Variants in SGMS1 observed in about 807,000 individuals in gnomAD.
The protein encoded by SGMS1 is sphingomyelin synthase 1, also known as phosphatidylcholine:ceramide cholinephosphotransferase 1.
In SGMS1, 13 loss-of-function variants were observed where a neutral mutation model predicts 46.2. That is an observed-to-expected ratio of 0.28 (90% CI 0.18 to 0.45). SGMS1 has a LOEUF of 0.45. Ranked by LOEUF, SGMS1 falls within the 20% of genes least tolerant of loss-of-function variation. The pLI is 1.00. For missense variants in SGMS1, 324 were observed against 519.9 expected, an observed-to-expected ratio of 0.62 and a Z score of 3.66; for synonymous variants, 203 against 187.8, an observed-to-expected ratio of 1.08 and a Z score of -0.66.
At chr10:50,527,063 CAAAAAAAAAAAAAAAA>C (rs573386594) in intron 2 of SGMS1, among the ~76,000 whole-genome samples, 1 of 90,804 alleles carries the variant, frequency 1.1e-5, no homozygotes, top group Admixed American at 1.2e-4. Context: ...GACTCTGTCT[CAAAAAAAAAAAAAAAA>C]AAAAAAAAAA....
intron 9 of SGMS1, among the ~76,000 whole-genome samples, chr10:50,309,214 GA>G (rs1216380650): frequency 6.6e-6 from 1 of 151,856 alleles, no homozygotes; most frequent in Non-Finnish European, 1.5e-5. Flanking sequence ...GTTAGGGTAG[GA>G]ATATTCTAGT....
chr10:50,467,297 C>T (rs944956679), intron 3 of SGMS1, among the ~76,000 whole-genome samples: 2 of 152,102 alleles, frequency 1.3e-5, no homozygotes, highest in South Asian at 2.1e-4. Flanking sequence ...AGCAAGAAAG[C>T]GTATTTTTCA....
chr10:50,477,665 G>A (rs186060833), intron 3 of SGMS1, among the ~76,000 whole-genome samples: 1 of 152,260 alleles, frequency 6.6e-6, no homozygotes, highest in African/African-American at 2.4e-5. Flanking sequence ...GGTGGGAAGT[G>A]GTTGGATCAT....
At chr10:50,539,997 G>A (rs929886577) in intron 2 of SGMS1, among the ~76,000 whole-genome samples, 1 of 152,134 alleles carries the variant, frequency 6.6e-6, no homozygotes, top group Admixed American at 6.6e-5. Flanking sequence ...AAAGCATACT[G>A]AATGTAATTA....
At chr10:50,364,994 T>C (rs938369108) in intron 6 of SGMS1, among the ~76,000 whole-genome samples, 4 of 152,072 alleles carry the variant, frequency 2.6e-5, no homozygotes, top group Non-Finnish European at 4.4e-5. Flanking sequence ...CTGAGCATGG[T>C]GGCTCACACC....
At chr10:50,364,127 A>C in intron 6 of SGMS1, among the ~76,000 whole-genome samples, 1 of 152,128 alleles carries the variant, frequency 6.6e-6, no homozygotes, top group East Asian at 1.9e-4. Flanking sequence ...GTGAAACAAA[A>C]TGAAAGATGG....
At chr10:50,409,330 C>T (rs768103370) in intron 6 of SGMS1, among the ~76,000 whole-genome samples, 5 of 152,172 alleles carry the variant, frequency 3.3e-5, no homozygotes, top group Non-Finnish European at 7.4e-5. Context: ...TGCTATCAAA[C>T]ACAAAAACTT....
chr10:50,591,781 T>C (rs1456874350), intron 1 of SGMS1, among the ~76,000 whole-genome samples: 2 of 152,106 alleles, frequency 1.3e-5, no homozygotes, highest in Non-Finnish European at 2.9e-5. Flanking sequence ...CAGACACAGC[T>C]CCGCAAATAA....
At position 50,461,169 on chromosome 10, in the gene SGMS1, T is replaced by C. The variant is rs1021945056; in HGVS notation, c.-454-355A>G. Among the ~76,000 whole-genome samples the C allele has an allele frequency of 1.1e-3, 161 of 152,318 alleles. 1 individual carries two copies. The highest frequency in any genetic ancestry group is 3.5e-3 in the African/African-American group (147 of 41,562). ...TTAGTTGCCAACAAATAACTGATTATCATAAATTAAGTATAAGTTTGAAGT... is the reference window on the plus strand; with the variant it reads ...TTAGTTGCCAACAAATAACTGATTACCATAAATTAAGTATAAGTTTGAAGT... On this transcript the variant is annotated intron_variant, in intron 4 of 10. Transcript: ENST00000361781.
intron 9 of SGMS1, among the ~76,000 whole-genome samples, chr10:50,310,148 A>G (rs1214399308): frequency 6.6e-6 from 1 of 152,088 alleles, no homozygotes; most frequent in East Asian, 1.9e-4. Flanking sequence ...GTTCCCACTT[A>G]CCTGTCCATT....
At chr10:50,384,175 G>A (rs1324397036) in intron 6 of SGMS1, among the ~76,000 whole-genome samples, 1 of 152,138 alleles carries the variant, frequency 6.6e-6, no homozygotes, top group East Asian at 1.9e-4. Flanking sequence ...ATAGAAGACG[G>A]AATGAACTAA....
At chr10:50,452,644 T>C (rs1837126241) in intron 5 of SGMS1, among the ~76,000 whole-genome samples, 2 of 152,144 alleles carry the variant, frequency 1.3e-5, no homozygotes, top group Admixed American at 6.5e-5. Flanking sequence ...CTAGTAATAC[T>C]GAATTTCCAT....
At position 50,433,778 on chromosome 10, in the gene SGMS1, T is replaced by C. The variant is rs74710430; in HGVS notation, c.-312-222A>G. On this transcript the variant is annotated intron_variant, in intron 5 of 10. Transcript: ENST00000361781. The stretch of plus-strand genomic sequence containing the variant: ...GTATTTCCACTATGAAGGATTGGGG[T>C]GGTGAACCCTTAAAATTTTGCCCTC... Among the ~76,000 whole-genome samples, 4 of 152,246 alleles carry C rather than the reference T, an allele frequency of 2.6e-5. No homozygotes were observed. The East Asian group carries it at 5.8e-4, about 22-fold the overall frequency.
intron 6 of SGMS1, among the ~76,000 whole-genome samples, chr10:50,424,440 T>A (rs1183901128): frequency 6.6e-6 from 1 of 152,212 alleles, no homozygotes; most frequent in African/African-American, 2.4e-5. Context: ...GTACTATCTA[T>A]ATTAAAATAC....
rs189083035 is a variant in SGMS1 at position 50,581,982 on chromosome 10, G to A, written c.-589+8171C>T. ...CTCCCACATCCTAGGCACAGTGGCC[G>A]TCTGCAAGGAAACAGCAACCGCAGG... On this transcript the variant is annotated intron_variant, in intron 2 of 10. Coordinates refer to ENST00000361781, the MANE Select transcript of SGMS1 (RefSeq NM_147156.4). Among the ~76,000 whole-genome samples, 17 of 152,310 alleles carry A rather than the reference G, an allele frequency of 1.1e-4. No homozygotes were observed. The East Asian group carries it at 1.7e-3, about 16-fold the overall frequency.
intron 1 of SGMS1, among the ~76,000 whole-genome samples, chr10:50,595,426 C>A (rs1838582148): frequency 6.6e-6 from 1 of 152,174 alleles, no homozygotes; most frequent in African/African-American, 2.4e-5. Flanking sequence ...AATCCACCAG[C>A]CTCAGCCTCC....
Position 50,586,412 on chromosome 10 carries a change from ATG to A in SGMS1, c.-589+3739_-589+3740del, listed in dbSNP as rs553102967. Among the ~76,000 whole-genome samples the A allele has an allele frequency of 2.6e-5, 4 of 152,324 alleles. No homozygotes were observed. The South Asian group carries it at 8.3e-4, about 32-fold the overall frequency. On this transcript the variant is annotated intron_variant, in intron 2 of 10. Coordinates refer to ENST00000361781, the MANE Select transcript of SGMS1 (RefSeq NM_147156.4). ...TCTACAGAACAACTGGCTTCCGGGGATGTGGCCCACTGCCATACCTGTGAATT... is the reference window on the plus strand; with the variant it reads ...TCTACAGAACAACTGGCTTCCGGGGATGGCCCACTGCCATACCTGTGAATT...
chr10:50,438,432 G>GGA, intron 5 of SGMS1, among the ~76,000 whole-genome samples: 1 of 152,194 alleles, frequency 6.6e-6, no homozygotes, highest in Non-Finnish European at 1.5e-5. Flanking sequence ...GCTCTAGTTA[G>GGA]AGAGCCCATG....
chr10:50,410,146 ACAC>A (rs1347230149), intron 6 of SGMS1, among the ~76,000 whole-genome samples: 3 of 152,356 alleles, frequency 2.0e-5, no homozygotes, highest in East Asian at 3.9e-4. Flanking sequence ...ACAGAACAGA[ACAC>A]CACATTTCCC....
Sources: gnomAD v4.1 joint callset for allele counts (sites outside exome capture counted in the v4.1 genomes callset) on GRCh38, gnomAD v4.1.1 for gene constraint, MANE v1.5 for transcripts, NCBI Gene and HGNC (gene_info 2026-07-23, HGNC 2026-07-21) for gene names.